The following CPM variants were observed in gnomAD, a reference collection of about 807,000 sequenced individuals.
CPM encodes renal carboxypeptidase.
CPM carries 35 observed loss-of-function variants against 46.4 expected under a neutral mutation model. The ratio of observed to expected loss-of-function variants is 0.75; its 90% confidence interval spans 0.58 to 1.00. The LOEUF (loss-of-function observed/expected upper bound fraction) is 1.00. CPM is among the 50% of genes least tolerant of loss of function. CPM has a pLI of 0.00. For synonymous variants in CPM, 195 were observed against 195.3 expected, an observed-to-expected ratio of 1.00 and a Z score of 0.01; for missense variants, 422 against 530.4, an observed-to-expected ratio of 0.80 and a Z score of 2.01.
intron 1 of CPM, among the ~76,000 whole-genome samples, chr12:68,951,652 GCCGTGC>G (rs1449694657): frequency 1.3e-5 from 2 of 152,168 alleles, no homozygotes; most frequent in East Asian, 3.9e-4. Flanking sequence ...CCAAGTGCTG[GCCGTGC>G]CAGCCCCCAC....
intron 2 of CPM, 99 bp downstream of exon 2, chr12:68,932,579 T>C: frequency 2.2e-6 from 3 of 1,376,366 alleles, no homozygotes; most frequent in Middle Eastern, 1.8e-4. Flanking sequence ...CCACTCAGAG[T>C]AGGTGCGTGG....
rs185538167 is a variant in CPM, at chr12:68,951,226, A to G, written c.-4+11943T>C. Among the ~76,000 whole-genome samples, 623 of 152,362 alleles carry G rather than the reference A, an allele frequency of 4.1e-3. 9 individuals are homozygous for G. Among genetic ancestry groups the G allele is most frequent in the African/African-American group, 0.014 (597 of 41,574 alleles). ...TTTCCTTTTAGGATTGTTGTGATAT[A>G]ATAAATAAAAATCACTTAACAATGC... On this transcript the variant is annotated intron_variant, in intron 1 of 8. Coordinates refer to the CPM transcript ENST00000546373.
rs1491362513 is a variant in CPM at position 68,923,158 on chromosome 12, A to AGT, written c.160+9519_160+9520insAC. Among the ~76,000 whole-genome samples the AGT allele has an allele frequency of 7.8e-3, 1,025 of 131,780 alleles. 13 individuals carry two copies. Among genetic ancestry groups the AGT allele is most frequent in the African/African-American group, 0.023 (789 of 33,960 alleles). 86.5% of individuals were successfully genotyped at this position (131,780 alleles called of 152,430 possible). A position where few individuals can be genotyped will look rare whatever the true frequency, so the allele number is the denominator to read the frequency against. On this transcript the variant is annotated intron_variant, in intron 2 of 8. Coordinates refer to ENST00000551568, the MANE Select transcript of CPM (RefSeq NM_198320.5). ...CCAAATGCATGTTGGTATTTGATAT[A>AGT]GAGTGTGTGTGTGTGTGTGTGTGTG...
At chr12:68,847,214 T>TATATATATATATATATATATA (rs1884378595), downstream of CPM, 1 of 52,582 alleles carries the variant, frequency 1.9e-5, no homozygotes, top group Non-Finnish European at 3.9e-5. Flanking sequence ...ATATATATAC[T>TATATATATATATATATATATA]TTTTTTAGAG....
intron 1 of CPM, among the ~76,000 whole-genome samples, chr12:68,953,066 G>A (rs1888960415): frequency 6.6e-6 from 1 of 152,164 alleles, no homozygotes; most frequent in African/African-American, 2.4e-5. Flanking sequence ...AGGCCAGGAA[G>A]GCAGGTACTG....
At chr12:68,848,857 C>T (rs186307552), downstream of CPM, 1,336 of 151,298 alleles carry the variant, frequency 8.8e-3, 20 homozygotes, top group African/African-American at 0.031. Context: ...GAAATTCAGG[C>T]GCCTGCCACC....
At chr12:68,930,548 A>G (rs1268264725) in intron 2 of CPM, among the ~76,000 whole-genome samples, 1 of 152,234 alleles carries the variant, frequency 6.6e-6, no homozygotes, top group Non-Finnish European at 1.5e-5. Context: ...ATACAGTTTC[A>G]TCTACCAGTT....
chr12:68,909,458 G>A (rs1223943039), intron 2 of CPM, among the ~76,000 whole-genome samples: 2 of 152,138 alleles, frequency 1.3e-5, no homozygotes, highest in Non-Finnish European at 2.9e-5. Flanking sequence ...GGGGCTGGGA[G>A]TGTAAATAAT....
intron 3 of CPM, 50 bp downstream of exon 3, chr12:68,885,742 T>C (rs1371303025): frequency 6.9e-7 from 1 of 1,458,318 alleles, no homozygotes; most frequent in Non-Finnish European, 9.6e-7. Flanking sequence ...CAAGAGACCC[T>C]AGGGGAAGCT....
chr12:68,850,839 T>C (rs985825757), downstream of CPM, among the ~76,000 whole-genome samples: 1 of 152,158 alleles, frequency 6.6e-6, no homozygotes, highest in Non-Finnish European at 1.5e-5. Flanking sequence ...TCTCAGATTC[T>C]TTATTACATT....
In CPM at chr12:68,868,826, G is replaced by A. The variant is rs544032401; in HGVS notation, c.787+499C>T. On this transcript the variant is annotated intron_variant, in intron 6 of 8. Transcript: ENST00000551568. ...GATCTGGCAGTATTGGCTCCCCAAG[G>A]CTGCATGACAATAATTAGCTAGATC... Among the ~76,000 whole-genome samples, 4 of 152,136 alleles carry A rather than the reference G, an allele frequency of 2.6e-5. No individual in the cohort carries two copies. The South Asian group carries it at 6.2e-4, about 24-fold the overall frequency.
chr12:68,942,670 A>G (rs1262419010), intron 1 of CPM, among the ~76,000 whole-genome samples: 2 of 152,224 alleles, frequency 1.3e-5, no homozygotes, highest in Admixed American at 6.5e-5. Flanking sequence ...CTTACATTCT[A>G]CAAGAGCCAA....
chr12:68,843,355 CAAAT>C (rs1331366333), intron 5 of CPM: 2 of 230,270 alleles, frequency 8.7e-6, no homozygotes, highest in Non-Finnish European at 1.7e-5. Context: ...GTTCTTGCTA[CAAAT>C]AAATGATATT....
At chr12:68,857,722 T>C (rs897292958) in intron 8 of CPM, among the ~76,000 whole-genome samples, 2 of 152,200 alleles carry the variant, frequency 1.3e-5, no homozygotes, top group African/African-American at 4.8e-5. Flanking sequence ...TCAAATATTA[T>C]CCTAGAACTA....
At chr12:68,874,493 G>A (rs1284003869) in intron 3 of CPM, among the ~76,000 whole-genome samples, 1 of 152,066 alleles carries the variant, frequency 6.6e-6, no homozygotes, top group Non-Finnish European at 1.5e-5. Context: ...GCAGGTGACT[G>A]TAATCCCCAC....
At position 68,855,126 on chromosome 12, in the gene CPM, C is replaced by T. The variant is rs969056313; in HGVS notation, c.*1311G>A. The T allele has an allele frequency of 6.6e-6, 1 of 152,250 alleles. No homozygotes were observed. Among genetic ancestry groups the T allele is most frequent in the Non-Finnish European group, 1.5e-5 (1 of 68,230 alleles). The allele number at this position is 152,250 out of a possible 1,614,324, so 9.4% of individuals were successfully genotyped here. ...CCGCCCGCCTTGGCCTCCCAAAATG[C>T]TGGGATTACAGGCATGAGCCACCAT... On this transcript the variant is annotated 3_prime_UTR_variant, in exon 9 of 9. Coordinates refer to ENST00000551568, the MANE Select transcript of CPM (RefSeq NM_198320.5).
chr12:68,938,429 A>G (rs1018802464), intron 1 of CPM, among the ~76,000 whole-genome samples: 1 of 151,966 alleles, frequency 6.6e-6, no homozygotes. Flanking sequence ...CCCCAAAACA[A>G]TCAAACAAAC....
chr12:68,852,424 G>A lies in CPM; in HGVS notation c.*4013C>T, dbSNP rs976984164. The A allele has an allele frequency of 6.6e-6, 1 of 152,176 alleles. No individual in the cohort carries two copies. The highest frequency in any genetic ancestry group is 6.6e-5 in the Admixed American group (1 of 15,264). 9.4% of individuals were successfully genotyped at this position (152,176 alleles called of 1,614,324 possible). On this transcript the variant is annotated 3_prime_UTR_variant, in exon 9 of 9. Coordinates refer to ENST00000551568, the MANE Select transcript of CPM (RefSeq NM_198320.5). ...CTCCACCTGAACAAGCACCAAAAAT[G>A]TAGCATCTCTTACCAGTCACAGAAT... is the stretch of plus-strand genomic sequence containing the variant.
chr12:68,857,500 TATCAGCCTGA>T (rs1885029066), intron 8 of CPM, among the ~76,000 whole-genome samples: 1 of 152,016 alleles, frequency 6.6e-6, no homozygotes, highest in African/African-American at 2.4e-5. Flanking sequence ...GTTTTGTTCA[TATCAGCCTGA>T]ATCTTTGGTT....
Sources: allele counts gnomAD v4.1 joint callset (sites outside exome capture counted in the v4.1 genomes callset), GRCh38; gene constraint gnomAD v4.1.1; transcripts MANE v1.5; gene names NCBI Gene and HGNC (gene_info 2026-07-23, HGNC 2026-07-21).